The following ADAMTS17 variants were observed in gnomAD, a reference collection of about 807,000 sequenced individuals.
The protein encoded by ADAMTS17 is ADAM metallopeptidase with thrombospondin type 1 motif 17, also known as A disintegrin and metalloproteinase with thrombospondin motifs 17.
A neutral mutation model predicts 141.5 loss-of-function variants in ADAMTS17; 113 were observed. That is an observed-to-expected ratio of 0.80 (90% CI 0.69 to 0.93). The LOEUF is 0.93. ADAMTS17 is among the 40% of genes least tolerant of loss of function. The pLI is 0.00. For missense variants in ADAMTS17, 1,659 were observed against 1,517.9 expected (o/e 1.09, Z -1.54); for synonymous variants, 768 against 630.6 (o/e 1.22, Z -3.27).
chr15:100,104,469 C>T (rs903304306), intron 14 of ADAMTS17, among the ~76,000 whole-genome samples: 1 of 152,158 alleles, frequency 6.6e-6, no homozygotes, highest in African/African-American at 2.4e-5. Context: ...TGGTTTGAAT[C>T]AGCCTGCTAT....
intron 20 of ADAMTS17, among the ~76,000 whole-genome samples, chr15:99,977,404 T>A (rs12911700): frequency 6.8e-5 from 4 of 58,932 alleles, no homozygotes; most frequent in African/African-American, 3.7e-4. Flanking sequence ...ATATATAATT[T>A]TTTTTTTTTT....
chr15:100,065,941 G>A (rs1354573326), intron 15 of ADAMTS17, among the ~76,000 whole-genome samples: 1 of 152,114 alleles, frequency 6.6e-6, no homozygotes, highest in African/African-American at 2.4e-5. Context: ...AATTCTCATT[G>A]TTCAACTCCC....
At chr15:100,260,321 T>G (rs918582622) in intron 6 of ADAMTS17, among the ~76,000 whole-genome samples, 20 of 152,204 alleles carry the variant, frequency 1.3e-4, no homozygotes, top group African/African-American at 4.6e-4. Context: ...GAGATTTAAC[T>G]CTTTGTGGAT....
At chr15:100,097,725 G>T (rs911373853) in intron 14 of ADAMTS17, among the ~76,000 whole-genome samples, 5 of 152,262 alleles carry the variant, frequency 3.3e-5, no homozygotes, top group Non-Finnish European at 5.9e-5. Flanking sequence ...GGGTGCACCT[G>T]AGAATGTGCA....
At chr15:100,240,695 T>C (rs1303631184) in intron 7 of ADAMTS17, among the ~76,000 whole-genome samples, 1 of 152,242 alleles carries the variant, frequency 6.6e-6, no homozygotes, top group African/African-American at 2.4e-5. Flanking sequence ...TTCTTTCATC[T>C]TGTCACTTCT....
chr15:100,020,856 C>T (rs375744367), intron 18 of ADAMTS17, among the ~76,000 whole-genome samples: 6 of 152,304 alleles, frequency 3.9e-5, no homozygotes, highest in African/African-American at 1.2e-4. Flanking sequence ...GAGACCATGA[C>T]GTGTCATAAT....
At chr15:100,125,352 A>G (rs768678738) in intron 12 of ADAMTS17, among the ~76,000 whole-genome samples, 28 of 152,240 alleles carry the variant, frequency 1.8e-4, no homozygotes, top group Non-Finnish European at 3.2e-4. Context: ...TCGCTGGCAC[A>G]TGGAAAGCAC....
chr15:100,055,946 C>T (rs1454702660), intron 15 of ADAMTS17, among the ~76,000 whole-genome samples: 3 of 152,182 alleles, frequency 2.0e-5, no homozygotes, highest in African/African-American at 7.2e-5. Context: ...GACCTGAATC[C>T]AACAGACCAA....
intron 3 of ADAMTS17, among the ~76,000 whole-genome samples, chr15:100,325,537 G>A (rs547396300): frequency 6.6e-6 from 1 of 152,188 alleles, no homozygotes; most frequent in Non-Finnish European, 1.5e-5. Flanking sequence ...GCTGGAGGTG[G>A]AGCCTAGTGG....
chr15:100,127,145 C>A (rs568661553), intron 12 of ADAMTS17, among the ~76,000 whole-genome samples: 5 of 152,132 alleles, frequency 3.3e-5, no homozygotes, highest in Admixed American at 6.5e-5. Context: ...CTGCAGGGGG[C>A]TGAACGGTGG....
rs1248895813 is a variant in ADAMTS17, at chr15:100,281,728, C to T, written c.617-327G>A. Reference sequence around the variant, plus strand: ...GAGAAGCACGGAGAGCTGCCAAGTACGCACAGAAAAGGAGGCCTGGACCCA... The same window carrying T: ...GAGAAGCACGGAGAGCTGCCAAGTATGCACAGAAAAGGAGGCCTGGACCCA... On this transcript the variant is annotated intron_variant, in intron 3 of 21. Coordinates refer to ENST00000268070, the MANE Select transcript of ADAMTS17 (RefSeq NM_139057.4). 4.6e-5 allele frequency among the ~76,000 whole-genome samples: 7 copies of T among 152,196 alleles called. No homozygotes were observed. In the South Asian group the frequency reaches 8.3e-4, roughly 18 times the overall value.
Position 100,133,210 on chromosome 15 carries a change from T to A in ADAMTS17, c.1575+4A>T. On this transcript the variant is annotated splice_donor_region_variant and intron_variant, in intron 11 of 21. Transcript: ENST00000268070. ...GTTGGGGGCAGTGGGAAGTCAGAGG[T>A]TACCTTGTCTGCCCCACACTCGGTG... 6.3e-7 allele frequency: 1 copy of A among 1,583,928 alleles called. No homozygotes were observed.
At chr15:100,088,417 G>A (rs910027868) in intron 15 of ADAMTS17, among the ~76,000 whole-genome samples, 3 of 152,144 alleles carry the variant, frequency 2.0e-5, no homozygotes, top group Admixed American at 6.5e-5. Flanking sequence ...TACTGCCCAA[G>A]GTAATTTATA....
chr15:100,209,714 C>T (rs934517706), intron 7 of ADAMTS17, among the ~76,000 whole-genome samples: 6 of 152,034 alleles, frequency 3.9e-5, no homozygotes, highest in African/African-American at 1.4e-4. Context: ...GAATCAGTGG[C>T]AGACAAGGAA....
At chr15:100,189,334 T>C (rs1210835726) in intron 8 of ADAMTS17, among the ~76,000 whole-genome samples, 1 of 152,254 alleles carries the variant, frequency 6.6e-6, no homozygotes, top group Non-Finnish European at 1.5e-5. Context: ...TGCGAGCTTG[T>C]TCTGCTGAGT....
chr15:100,135,667 TAACC>T lies in ADAMTS17; in HGVS notation c.1474-2356_1474-2353del, dbSNP rs1020577341. Among the ~76,000 whole-genome samples, 79 of 152,326 alleles carry T rather than the reference TAACC, an allele frequency of 5.2e-4. 1 individual carries two copies. Among genetic ancestry groups the T allele is most frequent in the African/African-American group, 1.8e-3 (73 of 41,566 alleles). On this transcript the variant is annotated intron_variant, in intron 10 of 21. Coordinates refer to ENST00000268070, the MANE Select transcript of ADAMTS17 (RefSeq NM_139057.4). ...ATACATAAGAGATTTGTAATGTGTA[TAACC>T]AACAAAGTGTTTGTATCCAAAACAT...
rs2039919086 is a variant in ADAMTS17 at position 100,165,619 on chromosome 15, A to G, written c.1182-10299T>C. Among the ~76,000 whole-genome samples the G allele has an allele frequency of 3.9e-5, 6 of 152,234 alleles. 1 individual carries two copies. In the South Asian group the frequency reaches 1.2e-3, roughly 32 times the overall value. ...GTTAAAGATTTGAAATATTTCACAGAAAAGAAACCCATGAAGTTATGTTAG... is the reference window on the plus strand; with the variant it reads ...GTTAAAGATTTGAAATATTTCACAGGAAAGAAACCCATGAAGTTATGTTAG... On this transcript the variant is annotated intron_variant, in intron 8 of 21. Coordinates refer to ENST00000268070, the MANE Select transcript of ADAMTS17 (RefSeq NM_139057.4).
At chr15:100,060,495 G>A (rs1395508343) in intron 15 of ADAMTS17, among the ~76,000 whole-genome samples, 4 of 152,208 alleles carry the variant, frequency 2.6e-5, no homozygotes, top group Non-Finnish European at 5.9e-5. Flanking sequence ...CATTCCTGAG[G>A]GAAGGGCACT....
At chr15:100,203,144 T>C (rs146673200) in intron 7 of ADAMTS17, among the ~76,000 whole-genome samples, 237 of 152,256 alleles carry the variant, frequency 1.6e-3, no homozygotes, top group Non-Finnish European at 2.7e-3. Context: ...ATTTTATAGA[T>C]GGGGAAACAG....
Sources: allele counts gnomAD v4.1 joint callset (sites outside exome capture counted in the v4.1 genomes callset), GRCh38; gene constraint gnomAD v4.1.1; transcripts MANE v1.5; gene names NCBI Gene and HGNC (gene_info 2026-07-23, HGNC 2026-07-21).